DNAH14: variants seen among roughly 807,000 people sequenced by gnomAD.
DNAH14 encodes axonemal beta dynein heavy chain 14.
DNAH14 carries 478 observed loss-of-function variants against 520.9 expected under a neutral mutation model. That is an observed-to-expected ratio of 0.92 (90% CI 0.85 to 0.99). DNAH14 has a LOEUF of 0.99. Ranked by LOEUF, DNAH14 falls within the 50% of genes least tolerant of loss-of-function variation. The pLI is 0.00. For missense variants in DNAH14, 4,831 were observed against 5,234.5 expected, an observed-to-expected ratio of 0.92 and a Z score of 2.38; for synonymous variants, 1,581 against 1,757.2, an observed-to-expected ratio of 0.90 and a Z score of 2.51.
At chr1:225,317,523 C>A (rs2094488338) in intron 60 of DNAH14, among the ~76,000 whole-genome samples, 1 of 151,994 alleles carries the variant, frequency 6.6e-6, no homozygotes, top group Non-Finnish European at 1.5e-5. Context: ...TTCTCACTTA[C>A]TTCATTGAAA....
At chr1:225,264,164 C>A in intron 46 of DNAH14, 33 bp from the exon 47 acceptor site, 3 of 1,517,518 alleles carry the variant, frequency 2.0e-6, no homozygotes, top group East Asian at 2.5e-5. Context: ...GGTAAACAAA[C>A]TAATTTTGAA....
At chr1:225,292,944 GC>G (rs1391755568) in intron 55 of DNAH14, among the ~76,000 whole-genome samples, 1 of 151,818 alleles carries the variant, frequency 6.6e-6, no homozygotes, top group Non-Finnish European at 1.5e-5. Flanking sequence ...TTTGTATCCT[GC>G]TACTTTGCTG....
chr1:225,210,115 G>A (rs568164878), intron 41 of DNAH14, among the ~76,000 whole-genome samples: 7 of 147,488 alleles, frequency 4.7e-5, no homozygotes, highest in Non-Finnish European at 9.0e-5. Context: ...GTTTTTCTTC[G>A]TACCCCAGTG....
At chr1:225,132,522 A>T (rs957965071) in intron 27 of DNAH14, among the ~76,000 whole-genome samples, 1 of 152,124 alleles carries the variant, frequency 6.6e-6, no homozygotes, top group Non-Finnish European at 1.5e-5. Flanking sequence ...TCCCAGATCC[A>T]TCCATGTCCC....
chr1:224,949,429 A>G (rs1425691328), intron 1 of DNAH14, among the ~76,000 whole-genome samples: 1 of 152,170 alleles, frequency 6.6e-6, no homozygotes, highest in East Asian at 1.9e-4. Flanking sequence ...TATGAAACTG[A>G]AGGTTTATGT....
chr1:224,990,870 A>G (rs1009281651), intron 8 of DNAH14, among the ~76,000 whole-genome samples: 38 of 152,134 alleles, frequency 2.5e-4, no homozygotes, highest in Non-Finnish European at 3.4e-4. Flanking sequence ...AGGAACCTCC[A>G]TACAGTTTTC....
Position 225,335,316 on chromosome 1 carries a change from T to C in DNAH14, c.10080+1810T>C, listed in dbSNP as rs1218154381. 1.4e-4 allele frequency among the ~76,000 whole-genome samples: 18 copies of C among 130,856 alleles called. 2 individuals are homozygous for C. The highest frequency in any genetic ancestry group is 3.7e-4 in the African/African-American group (12 of 32,324). The allele number at this position is 130,856 out of a possible 152,430, so 85.8% of individuals were successfully genotyped here. ...ATATACACATGTGTACACGTGTGTA[T>C]ATGCACATATACACGTGTGTACATG... is the stretch of plus-strand genomic sequence containing the variant. On this transcript the variant is annotated intron_variant, in intron 66 of 85. Transcript: ENST00000682510.
intron 73 of DNAH14, among the ~76,000 whole-genome samples, chr1:225,354,652 A>T (rs1254245616): frequency 6.6e-6 from 1 of 152,110 alleles, no homozygotes; most frequent in East Asian, 1.9e-4. Context: ...TGGCTCTCAT[A>T]TCTGTGTTCT....
intron 81 of DNAH14, among the ~76,000 whole-genome samples, chr1:225,386,645 TG>T (rs2095845157): frequency 6.6e-6 from 1 of 152,242 alleles, no homozygotes; most frequent in African/African-American, 2.4e-5. Context: ...TCATCATCAC[TG>T]GCCATCAGAG....
At chr1:225,392,576 A>C in intron 84 of DNAH14, 125 bp downstream of exon 84, 1 of 1,166,598 alleles carries the variant, frequency 8.6e-7, no homozygotes, top group Non-Finnish European at 1.2e-6. Context: ...AGACAGGCAG[A>C]TCAACAAGCC....
intron 46 of DNAH14, among the ~76,000 whole-genome samples, chr1:225,259,746 C>T (rs2092867993): frequency 1.3e-5 from 2 of 152,314 alleles, no homozygotes; most frequent in South Asian, 4.1e-4. Flanking sequence ...CTGGCAACCA[C>T]TAGTCTACTT....
At chr1:225,107,042 C>T (rs1365697005) in intron 23 of DNAH14, among the ~76,000 whole-genome samples, 1 of 152,108 alleles carries the variant, frequency 6.6e-6, no homozygotes, top group African/African-American at 2.4e-5. Context: ...TGGTGACGTA[C>T]AGATGGGGTT....
intron 17 of DNAH14, among the ~76,000 whole-genome samples, chr1:225,064,612 C>T (rs1306189726): frequency 1.3e-5 from 2 of 151,556 alleles, no homozygotes; most frequent in Non-Finnish European, 3.0e-5. Flanking sequence ...CTACATGCAA[C>T]AACTTGGATG....
At chr1:224,967,771 T>C in intron 6 of DNAH14, 188 bp downstream of exon 6, 2 of 1,484,932 alleles carry the variant, frequency 1.3e-6, no homozygotes, top group African/African-American at 1.4e-5. Context: ...TGTGTAGAGA[T>C]TTAGGTTTGA....
At chr1:225,356,917 C>A (rs2095435566) in intron 73 of DNAH14, among the ~76,000 whole-genome samples, 1 of 152,112 alleles carries the variant, frequency 6.6e-6, no homozygotes, top group Non-Finnish European at 1.5e-5. Context: ...GTATAGTGAT[C>A]CTATCTTCCA....
At chr1:225,020,260 G>A (rs2065560209) in intron 10 of DNAH14, among the ~76,000 whole-genome samples, 1 of 151,924 alleles carries the variant, frequency 6.6e-6, no homozygotes, top group African/African-American at 2.4e-5. Flanking sequence ...ACTTTGGGAG[G>A]CCAAGGAAGG....
At chr1:225,025,695 C>CA (rs1306331200) in intron 11 of DNAH14, among the ~76,000 whole-genome samples, 15 of 152,152 alleles carry the variant, frequency 9.9e-5, no homozygotes, top group African/African-American at 3.6e-4. Flanking sequence ...GTTGAGACTG[C>CA]AGTGATCACT....
intron 51 of DNAH14, 68 bp from the exon 52 acceptor site, chr1:225,272,887 G>T (rs1161072984): frequency 9.3e-6 from 13 of 1,394,728 alleles, no homozygotes; most frequent in Non-Finnish European, 1.2e-5. Context: ...TGCAAAAATT[G>T]AGCCTTCGCT....
chr1:225,047,912 C>T lies in DNAH14; in HGVS notation c.1913-2298C>T, dbSNP rs183985859. 4.2e-3 allele frequency among the ~76,000 whole-genome samples: 640 copies of T among 152,160 alleles called. 4 individuals are homozygous for T. The highest frequency in any genetic ancestry group is 0.015 in the African/African-American group (609 of 41,502). ...TTCCAACTTGGATTCTTTCAGTAAC[C>T]TGGTTGATGTTTTAAAACTTATATA... On this transcript the variant is annotated intron_variant, in intron 15 of 85. Transcript: ENST00000682510.
Sources: allele counts gnomAD v4.1 joint callset (sites outside exome capture counted in the v4.1 genomes callset), GRCh38; gene constraint gnomAD v4.1.1; transcripts MANE v1.5; gene names NCBI Gene and HGNC (gene_info 2026-07-23, HGNC 2026-07-21).